CELF2: variants seen among roughly 807,000 people sequenced by gnomAD.
CELF2 encodes CUG triplet repeat RNA-binding protein 2.
A neutral mutation model predicts 62.6 loss-of-function variants in CELF2; 8 were observed. That is an observed-to-expected ratio of 0.13 (90% confidence interval 0.07 to 0.23). CELF2 has a LOEUF of 0.23. CELF2 is among the 10% of genes least tolerant of loss of function. CELF2 has a pLI of 1.00. For synonymous variants in CELF2, 258 were observed against 250.0 expected (o/e 1.03, Z -0.30); for missense variants, 333 against 671.0 (o/e 0.50, Z 5.56).
At chr10:10,912,797 G>T (rs142250070) in intron 1 of CELF2, among the ~76,000 whole-genome samples, 3 of 152,346 alleles carry the variant, frequency 2.0e-5, no homozygotes, top group South Asian at 4.1e-4. Flanking sequence ...CTGATGAAAA[G>T]CATGGGCTCC....
chr10:10,770,644 TG>T, the CELF2 span, among the ~76,000 whole-genome samples: 1 of 151,994 alleles, frequency 6.6e-6, no homozygotes, highest in Admixed American at 6.6e-5. Flanking sequence ...GAGCCCCCAC[TG>T]CAATGCCACC....
At chr10:10,979,635 C>T (rs552163029) in intron 2 of CELF2, among the ~76,000 whole-genome samples, 2 of 143,226 alleles carry the variant, frequency 1.4e-5, no homozygotes, top group South Asian at 2.2e-4. Context: ...CATGCCACTG[C>T]ACTCCAGCCT....
rs2246449 is a variant in CELF2 at position 11,314,197 on chromosome 10, C to T, written c.1035C>T (p.Leu345=). 0.31 allele frequency: 492,409 copies of T among 1,613,522 alleles called. 82,693 individuals carry two copies. The highest frequency in any genetic ancestry group is 0.58 in the African/African-American group (43,721 of 74,888). Residue 345 remains leucine (L), a synonymous_variant, in exon 10 of 13, where the codon CTC becomes CTT. Transcript: ENST00000633077. This position sits in a 1 kb window ranked among gnomAD's most constrained non-coding sequence, Gnocchi z 5.3. ...AGAAMNSLTS[L]GTLQGLAGAT... ...CAGCCATGAACTCCTTGACCTCTCTCGGGACTCTGCAAGGACTGGCTGGAG... is the reference window on the plus strand; with the variant it reads ...CAGCCATGAACTCCTTGACCTCTCTTGGGACTCTGCAAGGACTGGCTGGAG...
intron 1 of CELF2, among the ~76,000 whole-genome samples, chr10:11,102,460 A>G (rs1219284372): frequency 6.6e-6 from 1 of 152,244 alleles, no homozygotes; most frequent in Non-Finnish European, 1.5e-5. Flanking sequence ...TATGCTATTG[A>G]ATCTTTTAGC....
At chr10:10,591,949 G>C in the CELF2 span, among the ~76,000 whole-genome samples, 2 of 152,026 alleles carry the variant, frequency 1.3e-5, no homozygotes, top group Non-Finnish European at 2.9e-5. Context: ...TCTTGTAATT[G>C]GATATGTATT....
chr10:10,524,277 T>C, the CELF2 span, among the ~76,000 whole-genome samples: 1 of 152,006 alleles, frequency 6.6e-6, no homozygotes. Flanking sequence ...AGGGCAAAGC[T>C]CATAGAAGTT....
chr10:11,289,139 A>C (rs1239990834), intron 9 of CELF2, among the ~76,000 whole-genome samples: 1 of 152,162 alleles, frequency 6.6e-6, no homozygotes, highest in Non-Finnish European at 1.5e-5. Context: ...CAAGCCAGAT[A>C]GAATGTGGTT....
chr10:11,060,015 T>C (rs561332757), intron 1 of CELF2, among the ~76,000 whole-genome samples: 6 of 152,224 alleles, frequency 3.9e-5, no homozygotes, highest in Non-Finnish European at 7.3e-5. Flanking sequence ...CAGAAACACA[T>C]CTTTGAAATC....
At chr10:10,798,599 T>C (rs1022710027), upstream of CELF2, 2 of 392,958 alleles carry the variant, frequency 5.1e-6, no homozygotes, top group Admixed American at 4.4e-5. Context: ...GAGCGCAGGA[T>C]TGATTTGCGG....
At chr10:10,787,918 A>G in the CELF2 span, among the ~76,000 whole-genome samples, 1 of 152,168 alleles carries the variant, frequency 6.6e-6, no homozygotes. Context: ...GCCGGTTCAA[A>G]TCATTATGGG....
At chr10:10,799,374 C>T (rs1184397512) in intron 1 of CELF2, among the ~76,000 whole-genome samples, 4 of 151,976 alleles carry the variant, frequency 2.6e-5, no homozygotes, top group Non-Finnish European at 4.4e-5. Context: ...GTCCCTGCTA[C>T]TTGGGAGGCT....
chr10:10,939,277 GTGTTGTTGT>G (rs77431498), intron 2 of CELF2, among the ~76,000 whole-genome samples: 2 of 144,220 alleles, frequency 1.4e-5, no homozygotes, highest in South Asian at 2.2e-4. Context: ...TTGTTTTGTG[GTGTTGTTGT>G]TGTTGTTGTT....
the CELF2 span, among the ~76,000 whole-genome samples, chr10:10,639,136 A>T: frequency 6.6e-6 from 1 of 152,262 alleles, no homozygotes; most frequent in African/African-American, 2.4e-5. Flanking sequence ...AAAATAAAAT[A>T]TGTCCTAGAA....
chr10:11,151,777 G>C (rs751828167), intron 1 of CELF2, among the ~76,000 whole-genome samples: 5 of 152,114 alleles, frequency 3.3e-5, no homozygotes, highest in Admixed American at 6.5e-5. Context: ...AAGTAGATAA[G>C]GGCTTTTAGG....
chr10:10,913,379 CTTTTTTTTTTTTTTT>C (rs34163796), intron 1 of CELF2, among the ~76,000 whole-genome samples: 1 of 57,360 alleles, frequency 1.7e-5, no homozygotes, highest in African/African-American at 8.0e-5. Context: ...GTAATGATGT[CTTTTTTTTTTTTTTT>C]TTTTTTTTTT....
intron 3 of CELF2, among the ~76,000 whole-genome samples, chr10:11,218,142 G>C (rs965352960): frequency 6.6e-6 from 1 of 152,168 alleles, no homozygotes; most frequent in Non-Finnish European, 1.5e-5. Context: ...CCAGAATACA[G>C]TTTTTCTAAA....
At chr10:10,669,711 C>G in the CELF2 span, among the ~76,000 whole-genome samples, 1 of 152,146 alleles carries the variant, frequency 6.6e-6, no homozygotes, top group Admixed American at 6.5e-5. Flanking sequence ...ACATCCTATG[C>G]TTTACTGACA....
rs796712594 is a variant in CELF2 at position 10,944,610 on chromosome 10, G to GT, written c.89+24620dup. The stretch of plus-strand genomic sequence containing the variant: ...TGGAGGGAGGATTTTTTTTTCTTTT[G>GT]TTTTTTTTTGTGACAGAGTCTCACT... On this transcript the variant is annotated intron_variant, in intron 2 of 13. Coordinates refer to the CELF2 transcript ENST00000636488. Among the ~76,000 whole-genome samples the GT allele has an allele frequency of 9.6e-3, 1,441 of 150,388 alleles. 14 individuals carry two copies. Among genetic ancestry groups the GT allele is most frequent in the African/African-American group, 0.025 (1,035 of 40,958 alleles).
chr10:10,849,379 A>C (rs1591148739), intron 1 of CELF2, among the ~76,000 whole-genome samples: 1 of 152,032 alleles, frequency 6.6e-6, no homozygotes, highest in Non-Finnish European at 1.5e-5. Context: ...TGCACTCCAG[A>C]CTGGGTGACA....
Sources: gnomAD v4.1 joint callset for allele counts (sites outside exome capture counted in the v4.1 genomes callset) on GRCh38, gnomAD v4.1.1 for gene constraint, Gnocchi (gnomAD v3.1) non-coding constraint, MANE v1.5 for transcripts, NCBI Gene and HGNC (gene_info 2026-07-23, HGNC 2026-07-21) for gene names.